ASAP3: variants seen among roughly 807,000 people sequenced by gnomAD.
The protein encoded by ASAP3 is ArfGAP with SH3 domain, ankyrin repeat and PH domain 3.
A neutral mutation model predicts 118.2 loss-of-function variants in ASAP3; 85 were observed. That is an observed-to-expected ratio of 0.72 (90% CI 0.60 to 0.86). The LOEUF (loss-of-function observed/expected upper bound fraction) is 0.86, where lower values mean the gene tolerates loss of function less well. Among genes scored for constraint, ASAP3 ranks in the 40% least tolerant of loss-of-function variants. The pLI is 0.00. For missense variants in ASAP3, 1,026 were observed against 1,175.0 expected (o/e 0.87, Z 1.85); for synonymous variants, 432 against 477.4 (o/e 0.90, Z 1.24).
intron 1 of ASAP3, among the ~76,000 whole-genome samples, chr1:23,473,490 C>T (rs1642023823): frequency 6.6e-6 from 1 of 152,214 alleles, no homozygotes; most frequent in Admixed American, 6.5e-5. Context: ...CCCTCATCTG[C>T]CCTGGGCCCA....
chr1:23,484,175 G>GC lies in ASAP3; in HGVS notation c.-43dup, dbSNP rs1442340103. ...GAGCTGCCGGAGCGGGGCGCGGGGG[G>GC]CACTGAGCTGCTCCGCGCTGAGCCG... On this transcript the variant is annotated 5_prime_UTR_variant, in exon 1 of 25. Transcript: ENST00000336689. The GC allele has an allele frequency of 2.4e-6, 3 of 1,238,854 alleles. No homozygotes were observed. The highest frequency in any genetic ancestry group is 3.0e-6 in the Non-Finnish European group (3 of 991,412). 76.7% of individuals were successfully genotyped at this position (1,238,854 alleles called of 1,614,324 possible). A position where few individuals can be genotyped will look rare whatever the true frequency, so the allele number is the denominator to read the frequency against.
At chr1:23,442,447 C>A in intron 6 of ASAP3, 54 bp downstream of exon 6, 1 of 1,600,414 alleles carries the variant, frequency 6.2e-7, no homozygotes, top group African/African-American at 1.3e-5. Context: ...CCTGGAGAGG[C>A]AGACAGGAAG....
Position 23,441,199 on chromosome 1 carries a change from G to A in ASAP3, c.847C>T (p.Arg283Trp), listed in dbSNP as rs543667188. ...QLESREEHLS[R>W]KNSGCGYSIH... ...CTATAGCCACATCCTGAGTTCTTCCGGCTCAGGTGTTCCTGTCCCTCGGAC... is the reference window on the plus strand; with the variant it reads ...CTATAGCCACATCCTGAGTTCTTCCAGCTCAGGTGTTCCTGTCCCTCGGAC... The change falls in exon 10 of 25, where the codon CGG (arginine) becomes TGG (tryptophan). Residue 283 changes from arginine (R) to tryptophan (W), a missense_variant. Transcript: ENST00000336689. 2.7e-5 allele frequency: 44 copies of A among 1,614,118 alleles called. No individual in the cohort carries two copies. The highest frequency in any genetic ancestry group is 1.9e-4 in the South Asian group (17 of 91,080).
At chr1:23,453,913 C>T (rs1475372130) in intron 3 of ASAP3, among the ~76,000 whole-genome samples, 1 of 152,172 alleles carries the variant, frequency 6.6e-6, no homozygotes, top group East Asian at 1.9e-4. Context: ...GTCACCAACC[C>T]CTGGTACAAT....
rs756536300 is a variant in ASAP3 at position 23,437,040 on chromosome 1, G to A, written c.1347C>T (p.Pro449=). 8.9e-5 allele frequency: 143 copies of A among 1,610,442 alleles called. No individual in the cohort carries two copies. Among genetic ancestry groups the A allele is most frequent in the Non-Finnish European group, 2.5e-6 (3 of 1,178,892 alleles). Residue 449 remains proline, a synonymous_variant, in exon 15 of 25, where the codon CCC becomes CCT. Transcript: ENST00000336689. This position sits in a 1 kb window ranked among gnomAD's most constrained non-coding sequence, Gnocchi z 6.1. ...SQCCDCGAAD[P]TWLSTNLGVL... Reference sequence around the variant, plus strand: ...CGCCCAGGTTGGTGCTGAGCCACGTGGGGTCTGCAGAGGAAAGCAGCTGGA... The same window carrying A: ...CGCCCAGGTTGGTGCTGAGCCACGTAGGGTCTGCAGAGGAAAGCAGCTGGA...
intron 1 of ASAP3, among the ~76,000 whole-genome samples, chr1:23,459,434 G>C (rs1483234606): frequency 1.3e-5 from 2 of 152,104 alleles, no homozygotes; most frequent in African/African-American, 4.8e-5. Context: ...CTGCAGCCTT[G>C]TTTGTTCTAG....
At chr1:23,475,585 G>GT (rs1446955729) in intron 1 of ASAP3, among the ~76,000 whole-genome samples, 6 of 152,160 alleles carry the variant, frequency 3.9e-5, no homozygotes, top group Non-Finnish European at 8.8e-5. Flanking sequence ...TCTCAAATGT[G>GT]TATCTCCAGC....
chr1:23,434,604 G>A lies in ASAP3; in HGVS notation c.1764C>T (p.Leu588=), dbSNP rs138924430. 1.5e-4 allele frequency: 241 copies of A among 1,613,982 alleles called. No homozygotes were observed. In the African/African-American group the frequency reaches 2.9e-3, roughly 20 times the overall value. ...PGPDAQAPEE[L]VLHLAVKVAN... Reference sequence around the variant, plus strand: ...CGACTTTGACAGCCAAATGCAAGACGAGTTCTTCAGGTGCCTGAAAACACA... The same window carrying A: ...CGACTTTGACAGCCAAATGCAAGACAAGTTCTTCAGGTGCCTGAAAACACA... Residue 588 remains leucine (L), a synonymous_variant, in exon 18 of 25, where the codon CTC becomes CTT. Transcript: ENST00000336689.
chr1:23,472,706 T>A (rs1009143444), intron 1 of ASAP3, among the ~76,000 whole-genome samples: 6 of 152,212 alleles, frequency 3.9e-5, no homozygotes, highest in African/African-American at 1.4e-4. Context: ...TCTGTATGTT[T>A]CCTGATCTTT....
chr1:23,434,406 A>T, intron 18 of ASAP3, 37 bp from the exon 19 acceptor site: 1 of 1,610,640 alleles, frequency 6.2e-7, no homozygotes, highest in Non-Finnish European at 8.5e-7. Flanking sequence ...AGGAAGGGGA[A>T]CAGATCAATG....
At chr1:23,470,841 C>T (rs572660064) in intron 1 of ASAP3, among the ~76,000 whole-genome samples, 8 of 152,302 alleles carry the variant, frequency 5.3e-5, no homozygotes, top group Admixed American at 6.5e-5. Flanking sequence ...GCCACACCCT[C>T]GATGTATGCT....
At chr1:23,444,989 G>C (rs951605152) in intron 5 of ASAP3, among the ~76,000 whole-genome samples, 2 of 144,838 alleles carry the variant, frequency 1.4e-5, no homozygotes, top group Non-Finnish European at 3.0e-5. Flanking sequence ...TAATTTTAAA[G>C]AGGGGGTTAT....
intron 24 of ASAP3, among the ~76,000 whole-genome samples, chr1:23,430,303 C>T (rs990347995): frequency 2.6e-5 from 4 of 152,358 alleles, no homozygotes; most frequent in Admixed American, 6.5e-5. Context: ...TGACTCCCAA[C>T]ACAACCAATG....
At chr1:23,477,989 A>C (rs984435009) in intron 1 of ASAP3, among the ~76,000 whole-genome samples, 2 of 152,188 alleles carry the variant, frequency 1.3e-5, no homozygotes, top group Non-Finnish European at 2.9e-5. Flanking sequence ...TGCCTCATAC[A>C]GGGCCTGGCA....
intron 11 of ASAP3, 106 bp downstream of exon 11, chr1:23,439,055 A>C: frequency 7.1e-7 from 1 of 1,417,550 alleles, no homozygotes; most frequent in South Asian, 1.2e-5. Context: ...CCCTGGACCT[A>C]GGTTTGGGGG....
chr1:23,483,893 G>C (rs1456118549), intron 1 of ASAP3, 112 bp downstream of exon 1: 14 of 1,094,752 alleles, frequency 1.3e-5, no homozygotes, highest in Admixed American at 4.3e-5. Flanking sequence ...TAGGGAGGGG[G>C]CAGGTTTCGG....
intron 1 of ASAP3, among the ~76,000 whole-genome samples, chr1:23,477,496 A>G (rs1427480170): frequency 6.6e-6 from 1 of 151,090 alleles, no homozygotes; most frequent in Non-Finnish European, 1.5e-5. Flanking sequence ...GGAAGTTAGG[A>G]GTGTGGTCAA....
rs1270484857 is a variant in ASAP3, at chr1:23,438,163, T to C, written c.1102+584A>G. Among the ~76,000 whole-genome samples the C allele has an allele frequency of 1.3e-5, 2 of 152,112 alleles. No individual in the cohort carries two copies. The highest frequency in any genetic ancestry group is 4.8e-5 in the African/African-American group (2 of 41,410). On this transcript the variant is annotated intron_variant, in intron 12 of 24. Transcript: ENST00000336689. This position sits in a 1 kb window ranked among gnomAD's most constrained non-coding sequence, Gnocchi z 4.9. The stretch of plus-strand genomic sequence containing the variant: ...CATGTCCTTCAAGGCTAAACTCAAA[T>C]ACTGTCTCCTCCAGGAGCCTTTCCT...
intron 10 of ASAP3, among the ~76,000 whole-genome samples, chr1:23,440,500 CAAAAAAAAA>C (rs35344912): frequency 8.2e-4 from 20 of 24,314 alleles, no homozygotes; most frequent in African/African-American, 3.7e-3. Flanking sequence ...GACTCCATCT[CAAAAAAAAA>C]AAAAAAAAAA....
Sources: gnomAD v4.1 joint callset for allele counts (sites outside exome capture counted in the v4.1 genomes callset) on GRCh38, gnomAD v4.1.1 for gene constraint, Gnocchi (gnomAD v3.1) non-coding constraint, MANE v1.5 for transcripts, NCBI Gene and HGNC (gene_info 2026-07-23, HGNC 2026-07-21) for gene names.